The following MGAT4A variants were observed in gnomAD, a reference collection of about 807,000 sequenced individuals.
The protein encoded by MGAT4A is N-acetylglucosaminyltransferase IVa.
Under a neutral mutation model 74.1 loss-of-function variants are expected in MGAT4A, and 33 were observed. That is an observed-to-expected ratio of 0.45 (90% CI 0.34 to 0.60). The LOEUF (loss-of-function observed/expected upper bound fraction) is 0.60, where lower values mean the gene tolerates loss of function less well. Ranked by LOEUF, MGAT4A falls within the 20% of genes least tolerant of loss-of-function variation. The pLI is 0.02. For missense variants in MGAT4A, 479 were observed against 628.3 expected, an observed-to-expected ratio of 0.76 and a Z score of 2.54; for synonymous variants, 198 against 210.4, an observed-to-expected ratio of 0.94 and a Z score of 0.51.
At chr2:98,676,657 G>GA (rs1013150765) in intron 3 of MGAT4A, among the ~76,000 whole-genome samples, 1 of 152,026 alleles carries the variant, frequency 6.6e-6, no homozygotes, top group African/African-American at 2.4e-5. Flanking sequence ...AATAACTGTA[G>GA]AAAAAAATGT....
intron 14 of MGAT4A, among the ~76,000 whole-genome samples, chr2:98,632,585 A>G (rs1003269355): frequency 1.3e-5 from 2 of 152,220 alleles, no homozygotes; most frequent in Non-Finnish European, 2.9e-5. Context: ...TGGTTCAAGT[A>G]AGTCATCTCC....
At chr2:98,726,211 T>C (rs756974890) in intron 2 of MGAT4A, 28 bp downstream of exon 2, 16 of 1,589,368 alleles carry the variant, frequency 1.0e-5, no homozygotes, top group Admixed American at 6.7e-5. Flanking sequence ...GTACATTTCA[T>C]GCACATTTTC....
chr2:98,655,250 G>A (rs1362053847), intron 8 of MGAT4A, among the ~76,000 whole-genome samples, 195 bp downstream of exon 8: 1 of 152,068 alleles, frequency 6.6e-6, no homozygotes, highest in African/African-American at 2.4e-5. Context: ...GTGGAGGGCT[G>A]GCTTCCCTAC....
chr2:98,719,397 A>G (rs1286725010), intron 2 of MGAT4A, among the ~76,000 whole-genome samples: 1 of 152,240 alleles, frequency 6.6e-6, no homozygotes, highest in East Asian at 1.9e-4. Flanking sequence ...AGTGTGGGCA[A>G]ACCAAGAGCT....
At chr2:98,700,837 G>A (rs1702345767) in intron 2 of MGAT4A, among the ~76,000 whole-genome samples, 1 of 150,046 alleles carries the variant, frequency 6.7e-6, no homozygotes, top group African/African-American at 2.5e-5. Flanking sequence ...GTTGCAGTGA[G>A]CCGAGATCGC....
chr2:98,657,494 A>C (rs1701675737), intron 6 of MGAT4A, among the ~76,000 whole-genome samples: 1 of 152,252 alleles, frequency 6.6e-6, no homozygotes, highest in Non-Finnish European at 1.5e-5. Flanking sequence ...ATAACAATTT[A>C]ATCCTGAACT....
At chr2:98,647,384 G>C (rs1368042182) in intron 8 of MGAT4A, among the ~76,000 whole-genome samples, 3 of 151,910 alleles carry the variant, frequency 2.0e-5, no homozygotes, top group Non-Finnish European at 4.4e-5. Context: ...GTACAATCTC[G>C]GCTCACTGTA....
chr2:98,691,401 C>T (rs1702192640), intron 2 of MGAT4A, among the ~76,000 whole-genome samples: 1 of 151,886 alleles, frequency 6.6e-6, no homozygotes, highest in African/African-American at 2.4e-5. Flanking sequence ...GCTCACACCA[C>T]TGCACTCCAG....
intron 10 of MGAT4A, among the ~76,000 whole-genome samples, chr2:98,642,109 A>G (rs1218744118): frequency 6.6e-6 from 1 of 152,164 alleles, no homozygotes; most frequent in Non-Finnish European, 1.5e-5. Context: ...CTGACACTAC[A>G]ATAAAGGTGA....
At position 98,636,508 on chromosome 2, in the gene MGAT4A, C is replaced by T. The variant is rs1471403965; in HGVS notation, c.1401+9G>A. ...GTTAGGGAAAGGTAAGAGGAAATAG[C>T]AGTCATACCTTAAAAGGCAAAACTT... is the stretch of plus-strand genomic sequence containing the variant. On this transcript the variant is annotated intron_variant, in intron 13 of 15. Coordinates refer to ENST00000393487, the MANE Select transcript of MGAT4A (RefSeq NM_012214.3). 7.5e-6 allele frequency: 12 copies of T among 1,597,276 alleles called. No homozygotes were observed. In the East Asian group the frequency reaches 2.5e-4, roughly 33 times the overall value.
intron 2 of MGAT4A, among the ~76,000 whole-genome samples, chr2:98,708,495 G>A (rs930133197): frequency 1.3e-4 from 20 of 152,028 alleles, no homozygotes; most frequent in Non-Finnish European, 1.3e-4. Flanking sequence ...TATACCTGCC[G>A]TAAACTTTGG....
intron 5 of MGAT4A, among the ~76,000 whole-genome samples, chr2:98,662,226 C>A (rs908929157): frequency 1.1e-4 from 17 of 152,150 alleles, no homozygotes; most frequent in Non-Finnish European, 2.2e-4. Flanking sequence ...TCAGAGCAAG[C>A]TGAGTGAAGG....
intron 4 of MGAT4A, among the ~76,000 whole-genome samples, chr2:98,664,200 C>CAAAAAAAAAAAAAAA (rs57981145): frequency 7.8e-5 from 4 of 51,444 alleles, no homozygotes; most frequent in Non-Finnish European, 1.4e-4. Flanking sequence ...GATTCCATCT[C>CAAAAAAAAAAAAAAA]AAAAAAAAAA....
chr2:98,683,074 C>A (rs1407821229), intron 2 of MGAT4A, among the ~76,000 whole-genome samples: 2 of 150,152 alleles, frequency 1.3e-5, no homozygotes, highest in East Asian at 3.9e-4. Context: ...GGAGCCAGAG[C>A]GAGACTCCGT....
In MGAT4A at chr2:98,619,599, C is replaced by T. The variant is rs895926418; in HGVS notation, c.*5967G>A. The T allele has an allele frequency of 1.3e-5, 2 of 152,292 alleles. No homozygotes were observed. Among genetic ancestry groups the T allele is most frequent in the East Asian group, 3.9e-4 (2 of 5,188 alleles). 9.4% of individuals were successfully genotyped at this position (152,292 alleles called of 1,614,324 possible). A position where few individuals can be genotyped will look rare whatever the true frequency, so the allele number is the denominator to read the frequency against. ...CTGCCTACACTGAAATGAAAAGTAT[C>T]AAATCTACTGGCAGTGCATCTTACA... On this transcript the variant is annotated 3_prime_UTR_variant, in exon 16 of 16. Coordinates refer to ENST00000393487, the MANE Select transcript of MGAT4A (RefSeq NM_012214.3).
At chr2:98,729,040 T>C (rs1402285907) in intron 1 of MGAT4A, among the ~76,000 whole-genome samples, 7 of 152,100 alleles carry the variant, frequency 4.6e-5, no homozygotes, top group African/African-American at 1.7e-4. Flanking sequence ...ATCATATAGT[T>C]AAGGATATTT....
intron 2 of MGAT4A, among the ~76,000 whole-genome samples, chr2:98,680,286 C>T (rs908766665): frequency 6.6e-6 from 1 of 152,150 alleles, no homozygotes; most frequent in Non-Finnish European, 1.5e-5. Context: ...TCAGGTGATC[C>T]ACCTGCCTCA....
intron 8 of MGAT4A, among the ~76,000 whole-genome samples, chr2:98,650,951 A>G (rs1325799879): frequency 6.6e-6 from 1 of 152,116 alleles, no homozygotes; most frequent in Non-Finnish European, 1.5e-5. Context: ...CCATCTCAAA[A>G]AAAAGGAAAA....
At chr2:98,693,724 A>G (rs534976514) in intron 2 of MGAT4A, among the ~76,000 whole-genome samples, 1 of 151,970 alleles carries the variant, frequency 6.6e-6, no homozygotes, top group East Asian at 1.9e-4. Context: ...AAAGGACTTT[A>G]AAGGAAATAG....
Sources: allele counts gnomAD v4.1 joint callset (sites outside exome capture counted in the v4.1 genomes callset), GRCh38; gene constraint gnomAD v4.1.1; transcripts MANE v1.5; gene names NCBI Gene and HGNC (gene_info 2026-07-23, HGNC 2026-07-21).